The following FARS2 variants were observed in gnomAD, a reference collection of about 807,000 sequenced individuals.
FARS2 encodes the protein phenylalanyl-tRNA synthetase 2, mitochondrial.
A neutral mutation model predicts 46.4 loss-of-function variants in FARS2; 40 were observed. The observed-to-expected ratio is 0.86, with a 90% confidence interval of 0.67 to 1.12. The LOEUF is 1.12. Ranked by LOEUF, FARS2 falls within the 50% of genes most tolerant of loss-of-function variation. FARS2 has a pLI of 0.00. For missense variants in FARS2, 513 were observed against 567.9 expected, an observed-to-expected ratio of 0.90 and a Z score of 0.98; for synonymous variants, 234 against 214.9, an observed-to-expected ratio of 1.09 and a Z score of -0.78.
Position 5,369,277 on chromosome 6 carries a change from C to T in FARS2, c.612+95C>T, listed in dbSNP as rs1033318540. The T allele has an allele frequency of 2.9e-5, 37 of 1,264,612 alleles. 1 individual carries two copies. The highest frequency in any genetic ancestry group is 1.2e-4 in the South Asian group (8 of 68,364). 78.3% of individuals were successfully genotyped at this position (1,264,612 alleles called of 1,614,324 possible). A position where few individuals can be genotyped will look rare whatever the true frequency, so the allele number is the denominator to read the frequency against. On this transcript the variant is annotated intron_variant, in intron 2 of 6. Transcript: ENST00000274680. Reference sequence around the variant, plus strand: ...AGCTCGATGAGACCAGCATAGTCATCCTTGCTTGCCTTATTTTGCCTTAGT... The same window carrying T: ...AGCTCGATGAGACCAGCATAGTCATTCTTGCTTGCCTTATTTTGCCTTAGT...
At chr6:5,395,154 G>A (rs570764243) in intron 2 of FARS2, among the ~76,000 whole-genome samples, 8 of 152,186 alleles carry the variant, frequency 5.3e-5, no homozygotes, top group South Asian at 2.1e-4. Context: ...AGGTTCAAGC[G>A]ATTCTCCTGC....
chr6:5,459,687 A>G (rs1447237321), intron 4 of FARS2, among the ~76,000 whole-genome samples: 1 of 152,158 alleles, frequency 6.6e-6, no homozygotes, highest in Non-Finnish European at 1.5e-5. Flanking sequence ...TTTCCATTAA[A>G]GTTTACTCCC....
chr6:5,546,418 T>A (rs1237123164), intron 5 of FARS2, among the ~76,000 whole-genome samples: 1 of 150,898 alleles, frequency 6.6e-6, no homozygotes, highest in Admixed American at 6.6e-5. Flanking sequence ...GCCCAGCTAA[T>A]TTTGTGTATT....
At chr6:5,674,217 A>G (rs62385481) in intron 6 of FARS2, among the ~76,000 whole-genome samples, 1 of 129,398 alleles carries the variant, frequency 7.7e-6, no homozygotes, top group African/African-American at 2.7e-5. Flanking sequence ...AAAAAAAAGG[A>G]AAGAAAAAGA....
chr6:5,489,717 G>A (rs1341340571), intron 4 of FARS2, among the ~76,000 whole-genome samples: 1 of 152,100 alleles, frequency 6.6e-6, no homozygotes, highest in Non-Finnish European at 1.5e-5. Flanking sequence ...CCAGTCACTA[G>A]TCTCTTTTGA....
At chr6:5,503,022 A>G (rs1561668197) in intron 4 of FARS2, among the ~76,000 whole-genome samples, 1 of 152,144 alleles carries the variant, frequency 6.6e-6, no homozygotes, top group East Asian at 1.9e-4. Context: ...CTCAATGTTT[A>G]TGATCAAATT....
chr6:5,577,235 A>G (rs755053818), intron 5 of FARS2, among the ~76,000 whole-genome samples: 1 of 151,570 alleles, frequency 6.6e-6, no homozygotes, highest in Non-Finnish European at 1.5e-5. Flanking sequence ...TGAGAAGGTA[A>G]TTATAGATAT....
At chr6:5,264,499 T>C (rs73363091) in intron 1 of FARS2, among the ~76,000 whole-genome samples, 18,058 of 151,014 alleles carry the variant, frequency 0.12, 1,643 homozygotes, top group African/African-American at 0.26. Context: ...TTTTTTCTTT[T>C]TTTTTTTTTT....
At chr6:5,443,002 A>G (rs1763927728) in intron 4 of FARS2, among the ~76,000 whole-genome samples, 1 of 152,220 alleles carries the variant, frequency 6.6e-6, no homozygotes, top group South Asian at 2.1e-4. Context: ...ATTTCTAGAT[A>G]TAAGAAACAT....
chr6:5,634,123 A>G (rs985770601), intron 6 of FARS2, among the ~76,000 whole-genome samples: 4 of 152,040 alleles, frequency 2.6e-5, no homozygotes, highest in African/African-American at 9.7e-5. Flanking sequence ...TAAGTTGTTT[A>G]TTATTAAACA....
intron 4 of FARS2, among the ~76,000 whole-genome samples, chr6:5,543,087 A>G (rs751336235): frequency 6.6e-5 from 10 of 152,186 alleles, no homozygotes; most frequent in Admixed American, 1.3e-4. Context: ...GCATAATTTT[A>G]TATGTGACCA....
chr6:5,530,872 A>G (rs968519978), intron 4 of FARS2, among the ~76,000 whole-genome samples: 1 of 147,668 alleles, frequency 6.8e-6, no homozygotes, highest in Admixed American at 6.8e-5. Flanking sequence ...ATACTTATAT[A>G]TCAATGGATA....
At chr6:5,473,535 AAAAAAAAAAC>A (rs1765925184) in intron 4 of FARS2, among the ~76,000 whole-genome samples, 1 of 28,632 alleles carries the variant, frequency 3.5e-5, no homozygotes, top group South Asian at 1.7e-3. Flanking sequence ...TCAAAAAACA[AAAAAAAAAAC>A]AAAAAAAAAA....
intron 1 of FARS2, among the ~76,000 whole-genome samples, chr6:5,322,866 G>C (rs1476001090): frequency 1.3e-5 from 2 of 152,182 alleles, no homozygotes; most frequent in Non-Finnish European, 2.9e-5. Context: ...GATTATTAGA[G>C]TTTGATAAGT....
At chr6:5,443,997 TGTG>T (rs1330008875) in intron 4 of FARS2, among the ~76,000 whole-genome samples, 2 of 152,106 alleles carry the variant, frequency 1.3e-5, no homozygotes, top group Admixed American at 1.3e-4. Context: ...TTTAGTGGGC[TGTG>T]GTGGTGGTTC....
chr6:5,482,652 A>G (rs1240190819), intron 4 of FARS2, among the ~76,000 whole-genome samples: 1 of 152,118 alleles, frequency 6.6e-6, no homozygotes, highest in Non-Finnish European at 1.5e-5. Context: ...CAGACAGAGC[A>G]GCACCCATTT....
At chr6:5,376,688 C>T (rs538338604) in intron 2 of FARS2, among the ~76,000 whole-genome samples, 16 of 152,192 alleles carry the variant, frequency 1.1e-4, no homozygotes, top group African/African-American at 3.1e-4. Flanking sequence ...AAGTACACCG[C>T]GAGTGGTACT....
the FARS2 span, among the ~76,000 whole-genome samples, chr6:5,255,714 G>A: frequency 6.6e-6 from 1 of 152,044 alleles, no homozygotes; most frequent in African/African-American, 2.4e-5. Flanking sequence ...CTTAAACTAG[G>A]ATTTCTCAAT....
At chr6:5,532,783 T>TAATAATAATAAGAAG (rs894517533) in intron 4 of FARS2, among the ~76,000 whole-genome samples, 6 of 138,668 alleles carry the variant, frequency 4.3e-5, no homozygotes, top group Admixed American at 1.4e-4. Flanking sequence ...ATAATAATAA[T>TAATAATAATAAGAAG]AAGAAGAAGA....
Sources: allele counts gnomAD v4.1 joint callset (sites outside exome capture counted in the v4.1 genomes callset), GRCh38; gene constraint gnomAD v4.1.1; transcripts MANE v1.5; gene names NCBI Gene and HGNC (gene_info 2026-07-23, HGNC 2026-07-21).